Variants in NHEJ1 observed in about 807,000 individuals in gnomAD.
The protein encoded by NHEJ1 is non-homologous end joining factor 1.
Under a neutral mutation model 39.4 loss-of-function variants are expected in NHEJ1, and 22 were observed. The observed-to-expected ratio is 0.56, with a 90% CI of 0.40 to 0.80. The LOEUF (loss-of-function observed/expected upper bound fraction) is 0.80. Among genes scored for constraint, NHEJ1 ranks in the 30% least tolerant of loss-of-function variants. The pLI is 0.00. For missense variants in NHEJ1, 329 were observed against 357.1 expected (o/e 0.92, Z 0.63); for synonymous variants, 154 against 135.6 (o/e 1.14, Z -0.94).
intron 5 of NHEJ1, among the ~76,000 whole-genome samples, chr2:219,126,696 G>GTGT (rs58470285): frequency 0.018 from 2,720 of 152,318 alleles, 85 homozygotes; most frequent in African/African-American, 0.062. Flanking sequence ...TTATAGTACA[G>GTGT]TGTTGATATG....
chr2:219,076,575 T>TC (rs1949016455), intron 7 of NHEJ1, 120 bp from the exon 8 acceptor site: 2 of 919,320 alleles, frequency 2.2e-6, no homozygotes, highest in East Asian at 5.2e-5. Context: ...TTTTTTTTTT[T>TC]TTTTTCCACC....
At chr2:219,078,958 T>C (rs1343628808) in intron 5 of NHEJ1, among the ~76,000 whole-genome samples, 4 of 152,154 alleles carry the variant, frequency 2.6e-5, no homozygotes, top group Admixed American at 2.0e-4. Flanking sequence ...AGGCAAAAAA[T>C]GTCTTAAAAG....
chr2:219,158,201 G>A lies in NHEJ1; in HGVS notation c.162C>T (p.Val54=), dbSNP rs1369942230. The A allele has an allele frequency of 6.2e-7, 1 of 1,614,092 alleles. No individual in the cohort carries two copies. ...TCATACTTACCTTGGCTCGCTGGCTGACCACACTAGTGTCCACCTGTTCAT... is the reference window on the plus strand; with the variant it reads ...TCATACTTACCTTGGCTCGCTGGCTAACCACACTAGTGTCCACCTGTTCAT... ...VWHEQVDTSV[V]SQRAKELNKR... Residue 54 remains valine, a synonymous_variant, in exon 2 of 8, where the codon GTC becomes GTT. Coordinates refer to ENST00000356853, the MANE Select transcript of NHEJ1 (RefSeq NM_024782.3).
At chr2:219,136,191 T>G (rs930763460) in intron 5 of NHEJ1, among the ~76,000 whole-genome samples, 4 of 152,156 alleles carry the variant, frequency 2.6e-5, no homozygotes, top group African/African-American at 9.7e-5. Context: ...ATTCTTAGAA[T>G]CAGAAACCCA....
intron 5 of NHEJ1, among the ~76,000 whole-genome samples, chr2:219,100,540 G>A (rs182279773): frequency 6.6e-6 from 1 of 151,134 alleles, no homozygotes; most frequent in East Asian, 1.9e-4. Context: ...GAATCCAGGA[G>A]TCAGAGGTTG....
rs941529566 is a variant in NHEJ1 at position 219,074,174 on chromosome 2, A to G, written c.*2207T>C. On this transcript the variant is annotated 3_prime_UTR_variant, in exon 8 of 8. Coordinates refer to ENST00000356853, the MANE Select transcript of NHEJ1 (RefSeq NM_024782.3). The stretch of plus-strand genomic sequence containing the variant: ...TGATGGGGGCAGTGGATGGAAGGTT[A>G]CTAGCTATATTCTTACTTAACCTTT... Among the ~76,000 whole-genome samples the G allele has an allele frequency of 6.6e-6, 1 of 152,234 alleles. No individual in the cohort carries two copies. The highest frequency in any genetic ancestry group is 2.4e-5 in the African/African-American group (1 of 41,458).
At chr2:219,108,392 A>T (rs1339021283) in intron 5 of NHEJ1, among the ~76,000 whole-genome samples, 2 of 152,160 alleles carry the variant, frequency 1.3e-5, no homozygotes, top group Admixed American at 6.5e-5. Flanking sequence ...GCTATCAAGG[A>T]CACCAGCCAA....
intron 5 of NHEJ1, among the ~76,000 whole-genome samples, chr2:219,121,895 G>C (rs974506382): frequency 2.0e-5 from 3 of 152,054 alleles, no homozygotes; most frequent in Non-Finnish European, 4.4e-5. Flanking sequence ...TACAATAGTA[G>C]GGTGGCTTGG....
At chr2:219,146,822 T>A in intron 4 of NHEJ1, 84 bp from the exon 5 acceptor site, 1 of 1,068,082 alleles carries the variant, frequency 9.4e-7, no homozygotes, top group Middle Eastern at 2.0e-4. Flanking sequence ...AGAACAGGGC[T>A]ACTTAGGAAA....
intron 5 of NHEJ1, among the ~76,000 whole-genome samples, chr2:219,140,754 A>C (rs547666477): frequency 1.3e-5 from 2 of 152,354 alleles, no homozygotes; most frequent in South Asian, 2.1e-4. Context: ...ATGTTAAACA[A>C]GCAGTCTGGA....
intron 5 of NHEJ1, among the ~76,000 whole-genome samples, chr2:219,093,370 T>C (rs535347505): frequency 6.6e-6 from 1 of 152,266 alleles, no homozygotes; most frequent in East Asian, 1.9e-4. Flanking sequence ...ATCTTTAGGT[T>C]TAAGGAGGCA....
At chr2:219,083,850 C>G (rs1949088122) in intron 5 of NHEJ1, among the ~76,000 whole-genome samples, 1 of 152,080 alleles carries the variant, frequency 6.6e-6, no homozygotes. Flanking sequence ...TAGGTCTGAT[C>G]TAATTACAGA....
intron 7 of NHEJ1, 141 bp downstream of exon 7, chr2:219,077,105 C>T: frequency 5.6e-6 from 4 of 716,504 alleles, no homozygotes; most frequent in South Asian, 4.5e-5. Flanking sequence ...ATCTAGACAC[C>T]TACAATTTGG....
At chr2:219,081,216 C>T (rs1000124953) in intron 5 of NHEJ1, among the ~76,000 whole-genome samples, 1 of 152,180 alleles carries the variant, frequency 6.6e-6, no homozygotes, top group Non-Finnish European at 1.5e-5. Flanking sequence ...GGGCCTCATT[C>T]TCAGAATATA....
intron 5 of NHEJ1, among the ~76,000 whole-genome samples, chr2:219,135,955 A>C (rs1414235249): frequency 6.6e-6 from 1 of 152,226 alleles, no homozygotes; most frequent in Non-Finnish European, 1.5e-5. Context: ...AACCCCCTGG[A>C]GCGCAGTCTG....
chr2:219,115,304 T>A (rs182050737), intron 5 of NHEJ1, among the ~76,000 whole-genome samples: 1 of 152,042 alleles, frequency 6.6e-6, no homozygotes, highest in African/African-American at 2.4e-5. Context: ...AGGGCCTAAT[T>A]AGAAAGAAAA....
intron 5 of NHEJ1, among the ~76,000 whole-genome samples, chr2:219,137,595 A>AAAAAAAAAAAAAAAAAGAAAAC (rs143557047): frequency 1.2e-5 from 1 of 82,668 alleles, no homozygotes; most frequent in Non-Finnish European, 3.0e-5. Flanking sequence ...AAAAAAAACA[A>AAAAAAAAAAAAAAAAAGAAAAC]AAAAAACTGA....
chr2:219,085,342 C>T (rs1026613964), intron 5 of NHEJ1, among the ~76,000 whole-genome samples: 8 of 152,200 alleles, frequency 5.3e-5, no homozygotes, highest in African/African-American at 1.4e-4. Context: ...CAACCTGATA[C>T]GGGGTCTCTC....
At chr2:219,146,954 T>C (rs1446790300) in intron 4 of NHEJ1, among the ~76,000 whole-genome samples, 1 of 152,230 alleles carries the variant, frequency 6.6e-6, no homozygotes, top group Non-Finnish European at 1.5e-5. Flanking sequence ...GGTGGCAGCA[T>C]CTGCTCTAGG....
Sources: allele counts gnomAD v4.1 joint callset (sites outside exome capture counted in the v4.1 genomes callset), GRCh38; gene constraint gnomAD v4.1.1; transcripts MANE v1.5; gene names NCBI Gene and HGNC (gene_info 2026-07-23, HGNC 2026-07-21).